CFDP1: variants seen among roughly 807,000 people sequenced by gnomAD.
The protein encoded by CFDP1 is heterochromatin-stabilizing protein CFDP1.
Under a neutral mutation model 40.1 loss-of-function variants are expected in CFDP1, and 31 were observed. That is an observed-to-expected ratio of 0.77 (90% confidence interval 0.58 to 1.04). CFDP1 has a LOEUF of 1.04. Ranked by LOEUF, CFDP1 falls within the 50% of genes least tolerant of loss-of-function variation. The pLI, the probability that CFDP1 is intolerant of heterozygous loss-of-function variation, is 0.00. For synonymous variants in CFDP1, 167 were observed against 120.0 expected (o/e 1.39, Z -2.56); for missense variants, 423 against 343.4 (o/e 1.23, Z -1.83).
chr16:75,328,964 G>A (rs12935329), intron 5 of CFDP1, among the ~76,000 whole-genome samples: 122,741 of 150,718 alleles, frequency 0.81, 50,136 homozygotes, highest in Middle Eastern at 0.9. Flanking sequence ...CTCCTGCCTC[G>A]GCCTCCCGAG....
intron 5 of CFDP1, among the ~76,000 whole-genome samples, chr16:75,350,337 C>T (rs2078602212): frequency 6.6e-6 from 1 of 152,292 alleles, no homozygotes; most frequent in African/African-American, 2.4e-5. Context: ...CTACACCATT[C>T]TATATCCAAC....
chr16:75,395,551 C>T (rs567798221), intron 4 of CFDP1, among the ~76,000 whole-genome samples: 3 of 152,018 alleles, frequency 2.0e-5, no homozygotes, highest in Non-Finnish European at 4.4e-5. Context: ...CCCAGCTACT[C>T]GGGAGGCTGA....
chr16:75,333,196 TCACTGCAAGCTCTGCCTCCCAGGTTCACG>T (rs2078460455), intron 5 of CFDP1, among the ~76,000 whole-genome samples: 1 of 148,260 alleles, frequency 6.7e-6, no homozygotes, highest in Non-Finnish European at 1.5e-5. Flanking sequence ...CGATCTCAGC[TCACTGCAAGCTCTGCCTCCCAGGTTCACG>T]CCATTCTCCT....
intron 5 of CFDP1, among the ~76,000 whole-genome samples, chr16:75,366,650 C>A (rs919293285): frequency 6.6e-6 from 1 of 151,884 alleles, no homozygotes; most frequent in East Asian, 1.9e-4. Flanking sequence ...AACAAAAAAA[C>A]CGTTATAGGG....
intron 6 of CFDP1, among the ~76,000 whole-genome samples, chr16:75,299,940 A>G (rs1174078520): frequency 1.3e-5 from 2 of 152,158 alleles, no homozygotes; most frequent in East Asian, 1.9e-4. Flanking sequence ...AGCACTACAC[A>G]GAGACAGTGA....
intron 5 of CFDP1, among the ~76,000 whole-genome samples, chr16:75,353,748 CAAAAAAA>C (rs3975152): frequency 9.7e-5 from 7 of 72,340 alleles, no homozygotes; most frequent in African/African-American, 1.8e-4. Flanking sequence ...AAGTCCGTCT[CAAAAAAA>C]AAAAAAAAAA....
chr16:75,362,141 G>T (rs1453553922), intron 5 of CFDP1, among the ~76,000 whole-genome samples: 1 of 152,222 alleles, frequency 6.6e-6, no homozygotes, highest in Non-Finnish European at 1.5e-5. Flanking sequence ...AGACGGGACA[G>T]TCCTGGGTCA....
chr16:75,388,831 C>A (rs1312096043), intron 5 of CFDP1, among the ~76,000 whole-genome samples: 8 of 152,032 alleles, frequency 5.3e-5, no homozygotes, highest in African/African-American at 1.7e-4. Context: ...CAGGATGGTA[C>A]TGTGAGGGAT....
At chr16:75,313,370 C>T (rs1254147273) in intron 5 of CFDP1, among the ~76,000 whole-genome samples, 1 of 152,168 alleles carries the variant, frequency 6.6e-6, no homozygotes, top group African/African-American at 2.4e-5. Context: ...CGCTCTGTCA[C>T]CCAGGCTGGA....
chr16:75,371,568 A>G (rs2078751421), intron 5 of CFDP1, among the ~76,000 whole-genome samples: 1 of 152,222 alleles, frequency 6.6e-6, no homozygotes, highest in Non-Finnish European at 1.5e-5. Context: ...CTGTTCTGCT[A>G]ATTCAGGCTC....
chr16:75,427,050 CA>C (rs58187867), intron 1 of CFDP1, among the ~76,000 whole-genome samples: 95,841 of 134,006 alleles, frequency 0.72, 33,091 homozygotes, highest in East Asian at 0.81. Context: ...GAGACTGTCT[CA>C]AAAAAAAAAA....
chr16:75,327,136 G>C (rs899587438), intron 5 of CFDP1, among the ~76,000 whole-genome samples: 1 of 152,050 alleles, frequency 6.6e-6, no homozygotes, highest in African/African-American at 2.4e-5. Flanking sequence ...GCGTGGTGGC[G>C]GACGCCTGTA....
rs770450231 is a variant in CFDP1, at chr16:75,414,595, G to C, written c.165C>G (p.Ala55=). The change falls in exon 2 of 7, where the codon GCC becomes GCG. Residue 55 remains alanine, a synonymous_variant. Coordinates refer to ENST00000283882, the MANE Select transcript of CFDP1 (RefSeq NM_006324.3). ...AGCATCACCTGGCTGGAATGCTCTG[G>C]GCCTTTCTTTTTTTCCCTTGGGTTT... The part of the protein sequence containing the change: ...TQKTQGKKRK[A]QSIPARKRRQ... The C allele has an allele frequency of 1.2e-6, 2 of 1,612,360 alleles. No homozygotes were observed. The highest frequency in any genetic ancestry group is 1.1e-5 in the South Asian group (1 of 91,016).
chr16:75,406,880 G>C (rs1410530251), intron 4 of CFDP1, among the ~76,000 whole-genome samples: 1 of 152,000 alleles, frequency 6.6e-6, no homozygotes, highest in African/African-American at 2.4e-5. Flanking sequence ...AATTAGCCAG[G>C]CGTGGTGGCA....
intron 5 of CFDP1, among the ~76,000 whole-genome samples, chr16:75,367,302 G>C (rs1413550730): frequency 6.6e-6 from 1 of 151,868 alleles, no homozygotes; most frequent in Non-Finnish European, 1.5e-5. Flanking sequence ...GAGAGTATTA[G>C]GAAAAATAGC....
chr16:75,384,320 C>G (rs2078875048), intron 5 of CFDP1, among the ~76,000 whole-genome samples: 1 of 152,062 alleles, frequency 6.6e-6, no homozygotes, highest in South Asian at 2.1e-4. Flanking sequence ...GAGATAGCAC[C>G]ACTGCACTCT....
In CFDP1 at chr16:75,419,833, A is replaced by G. The variant is rs540025817; in HGVS notation, c.65-5138T>C. Among the ~76,000 whole-genome samples the G allele has an allele frequency of 2.0e-5, 3 of 152,298 alleles. No homozygotes were observed. The South Asian group carries it at 6.2e-4, about 32-fold the overall frequency. ...ATAATCCACCCCTTGTTTAGCATATAATCAAGAAATAACCATAAAAATGGG... is the reference window on the plus strand; with the variant it reads ...ATAATCCACCCCTTGTTTAGCATATGATCAAGAAATAACCATAAAAATGGG... On this transcript the variant is annotated intron_variant, in intron 1 of 6. Transcript: ENST00000283882.
chr16:75,301,352 A>G (rs2078220103), intron 6 of CFDP1, among the ~76,000 whole-genome samples: 1 of 152,050 alleles, frequency 6.6e-6, no homozygotes, highest in Non-Finnish European at 1.5e-5. Context: ...TCATTATAAA[A>G]CAAGTGCTCG....
At chr16:75,381,902 C>T (rs2078855620) in intron 5 of CFDP1, among the ~76,000 whole-genome samples, 1 of 152,002 alleles carries the variant, frequency 6.6e-6, no homozygotes, top group African/African-American at 2.4e-5. Context: ...AGACAAGAGG[C>T]CTATGAATCT....
Sources: gnomAD v4.1 joint callset for allele counts (sites outside exome capture counted in the v4.1 genomes callset) on GRCh38, gnomAD v4.1.1 for gene constraint, MANE v1.5 for transcripts, NCBI Gene and HGNC (gene_info 2026-07-23, HGNC 2026-07-21) for gene names.